The following TMEM117 variants were observed in gnomAD, a reference collection of about 807,000 sequenced individuals.
TMEM117 encodes transmembrane protein 117.
TMEM117 carries 27 observed loss-of-function variants against 52.4 expected under a neutral mutation model. The ratio of observed to expected loss-of-function variants is 0.51; its 90% CI spans 0.38 to 0.71. The LOEUF is 0.71. Among genes scored for constraint, TMEM117 ranks in the 30% least tolerant of loss-of-function variants. The pLI is 0.00. For synonymous variants in TMEM117, 215 were observed against 206.3 expected (o/e 1.04, Z -0.36); for missense variants, 556 against 630.5 (o/e 0.88, Z 1.26).
intron 6 of TMEM117, among the ~76,000 whole-genome samples, chr12:44,353,248 C>T (rs1282524967): frequency 6.6e-6 from 1 of 151,826 alleles, no homozygotes; most frequent in East Asian, 1.9e-4. Flanking sequence ...CTGTAGGTTG[C>T]CTGTTCACTC....
At chr12:43,815,417 G>A in the TMEM117 span, among the ~76,000 whole-genome samples, 1 of 152,162 alleles carries the variant, frequency 6.6e-6, no homozygotes. Context: ...AGTTGTCTTA[G>A]TTCTGTCAAT....
At chr12:43,797,225 G>C in the TMEM117 span, 1 of 1,493,292 alleles carries the variant, frequency 6.7e-7, no homozygotes, top group Non-Finnish European at 9.0e-7. Context: ...CTCTGGGCAA[G>C]AAATAAGTAA....
chr12:44,321,723 C>T (rs1477651401), intron 6 of TMEM117, among the ~76,000 whole-genome samples: 4 of 152,068 alleles, frequency 2.6e-5, no homozygotes, highest in Non-Finnish European at 5.9e-5. Flanking sequence ...CTTTTAAGAG[C>T]TCATAAATCT....
intron 5 of TMEM117, among the ~76,000 whole-genome samples, chr12:44,295,275 C>T (rs1181103761): frequency 1.3e-5 from 2 of 152,170 alleles, no homozygotes; most frequent in Non-Finnish European, 2.9e-5. Context: ...GTGATCTTGG[C>T]TCACTGCAAC....
chr12:44,241,020 C>T (rs1026542384), intron 5 of TMEM117, among the ~76,000 whole-genome samples: 2 of 151,824 alleles, frequency 1.3e-5, no homozygotes, highest in African/African-American at 4.8e-5. Context: ...GTTTCAGAGC[C>T]CTTGTGGATA....
intron 2 of TMEM117, among the ~76,000 whole-genome samples, chr12:43,863,805 AG>A (rs1943531990): frequency 6.6e-6 from 1 of 152,170 alleles, no homozygotes; most frequent in African/African-American, 2.4e-5. Context: ...GCCACACTTG[AG>A]GAGCCCTTCA....
At chr12:44,063,602 T>A (rs1220139429) in intron 3 of TMEM117, among the ~76,000 whole-genome samples, 1 of 151,672 alleles carries the variant, frequency 6.6e-6, no homozygotes, top group Non-Finnish European at 1.5e-5. Flanking sequence ...TATCTCCTAA[T>A]GCTATCCCTC....
chr12:44,142,490 G>A (rs1948584636), intron 3 of TMEM117, among the ~76,000 whole-genome samples: 1 of 152,104 alleles, frequency 6.6e-6, no homozygotes, highest in African/African-American at 2.4e-5. Context: ...CTGAATTGGA[G>A]ATAGTTTACC....
chr12:44,242,020 G>T (rs1458555857), intron 5 of TMEM117, among the ~76,000 whole-genome samples: 1 of 151,784 alleles, frequency 6.6e-6, no homozygotes, highest in African/African-American at 2.4e-5. Context: ...GGTTGACGTG[G>T]CTCTGTTTCT....
At chr12:44,003,496 C>T (rs902271818) in intron 3 of TMEM117, among the ~76,000 whole-genome samples, 3 of 152,204 alleles carry the variant, frequency 2.0e-5, no homozygotes, top group East Asian at 1.9e-4. Context: ...TGTCTTTCTC[C>T]GCTCAGCCCA....
chr12:44,037,857 G>C (rs1194942013), intron 3 of TMEM117, among the ~76,000 whole-genome samples: 1 of 151,820 alleles, frequency 6.6e-6, no homozygotes, highest in Non-Finnish European at 1.5e-5. Context: ...TCTCCTCTCT[G>C]CTGAGAGAGG....
chr12:44,235,033 CATGTAA>C (rs1371639164), intron 5 of TMEM117, among the ~76,000 whole-genome samples: 1 of 151,590 alleles, frequency 6.6e-6, no homozygotes, highest in African/African-American at 2.4e-5. Flanking sequence ...CTGAGAGCTA[CATGTAA>C]GTGTATTAAA....
At chr12:43,861,515 A>G (rs937972901) in intron 2 of TMEM117, among the ~76,000 whole-genome samples, 5 of 152,244 alleles carry the variant, frequency 3.3e-5, no homozygotes, top group African/African-American at 1.2e-4. Flanking sequence ...TTAACAATCT[A>G]TGTTTAAAAG....
intron 3 of TMEM117, among the ~76,000 whole-genome samples, chr12:44,044,338 T>C (rs1946848244): frequency 6.6e-6 from 1 of 152,148 alleles, no homozygotes; most frequent in Non-Finnish European, 1.5e-5. Flanking sequence ...CTGCTCTCCT[T>C]TTGAGAGACA....
intron 3 of TMEM117, among the ~76,000 whole-genome samples, chr12:44,079,841 C>G (rs147588197): frequency 6.6e-6 from 1 of 151,748 alleles, no homozygotes; most frequent in South Asian, 2.1e-4. Context: ...CGTGGTGAAA[C>G]CTCATCTCTA....
the TMEM117 span, among the ~76,000 whole-genome samples, chr12:43,810,134 C>T: frequency 1.3e-5 from 2 of 152,100 alleles, no homozygotes; most frequent in Non-Finnish European, 2.9e-5. Context: ...AATCAAAGTG[C>T]AGGAAAGCAC....
intron 2 of TMEM117, among the ~76,000 whole-genome samples, chr12:43,847,283 G>A (rs975121883): frequency 6.6e-6 from 1 of 152,118 alleles, no homozygotes; most frequent in South Asian, 2.1e-4. Context: ...GAGAGACCCT[G>A]GTTTCTCAAA....
the TMEM117 span, chr12:43,806,195 C>G: frequency 2.6e-6 from 4 of 1,529,694 alleles, no homozygotes; most frequent in South Asian, 3.6e-5. Context: ...AGCCCCTTCC[C>G]TGCGAGTCGC....
intron 6 of TMEM117, among the ~76,000 whole-genome samples, chr12:44,332,525 T>A (rs1951284467): frequency 6.6e-6 from 1 of 152,050 alleles, no homozygotes; most frequent in Non-Finnish European, 1.5e-5. Flanking sequence ...AAGTTAAAAG[T>A]TATAATCCTG....
Sources: allele counts gnomAD v4.1 joint callset (sites outside exome capture counted in the v4.1 genomes callset), GRCh38; gene constraint gnomAD v4.1.1; transcripts MANE v1.5; gene names NCBI Gene and HGNC (gene_info 2026-07-23, HGNC 2026-07-21).